SRD5A1: variants seen among roughly 807,000 people sequenced by gnomAD.
SRD5A1 encodes steroid 5 alpha-reductase 1, also known as 3-oxo-5-alpha-steroid 4-dehydrogenase 1.
SRD5A1 carries 22 observed loss-of-function variants against 28.2 expected under a neutral mutation model. That is an observed-to-expected ratio of 0.78 (90% CI 0.56 to 1.12). SRD5A1 has a LOEUF of 1.12. Ranked by LOEUF, SRD5A1 falls within the 50% of genes most tolerant of loss-of-function variation. The probability of loss-of-function intolerance (pLI) is 0.00; values close to 1 mark genes in which losing one functional copy is unlikely to be tolerated. For missense variants in SRD5A1, 300 were observed against 346.7 expected, an observed-to-expected ratio of 0.87 and a Z score of 1.07; for synonymous variants, 151 against 135.0, an observed-to-expected ratio of 1.12 and a Z score of -0.82.
intron 1 of SRD5A1, among the ~76,000 whole-genome samples, chr5:6,646,526 T>A (rs1169932006): frequency 6.6e-6 from 1 of 152,222 alleles, no homozygotes; most frequent in Non-Finnish European, 1.5e-5. Context: ...TCCAGGAATT[T>A]ATTTATTTAT....
rs1354146023 is a variant in SRD5A1 at position 6,673,744 on chromosome 5, T to C, written c.*5476T>C. On this transcript the variant is annotated 3_prime_UTR_variant, in exon 5 of 5. Coordinates refer to ENST00000274192, the MANE Select transcript of SRD5A1 (RefSeq NM_001047.4). ...TCCAATTCTATTTCTATGAGGAAAATCTATTCATACAATAGAATACTAGTG... is the reference window on the plus strand; with the variant it reads ...TCCAATTCTATTTCTATGAGGAAAACCTATTCATACAATAGAATACTAGTG... 2 of 152,154 alleles carry C rather than the reference T, an allele frequency of 1.3e-5. No individual in the cohort carries two copies. The highest frequency in any genetic ancestry group is 3.8e-4 in the East Asian group (2 of 5,206). 9.4% of individuals were successfully genotyped at this position (152,154 alleles called of 1,614,324 possible). A position where few individuals can be genotyped will look rare whatever the true frequency, so the allele number is the denominator to read the frequency against.
intron 1 of SRD5A1, among the ~76,000 whole-genome samples, chr5:6,638,322 G>C: frequency 6.6e-6 from 1 of 152,242 alleles, no homozygotes; most frequent in East Asian, 1.9e-4. Context: ...TTAAAAAGAA[G>C]TCATAGCGTT....
Position 6,633,664 on chromosome 5 carries a change from C to G in SRD5A1, c.88C>G (p.Arg30Gly), listed in dbSNP as rs1738058723. ...QCAVGCAVFA[R>G]NRQTNSVYGR... is the part of the protein sequence containing the mutation. ...CGCCGTGGGCTGCGCGGTCTTCGCG[C>G]GCAATCGTCAGACGAACTCAGTGTA... Residue 30 changes from arginine (R) to glycine (G), a missense_variant, in exon 1 of 5, where the codon CGC becomes GGC. Coordinates refer to ENST00000274192, the MANE Select transcript of SRD5A1 (RefSeq NM_001047.4). 3.8e-6 allele frequency: 6 copies of G among 1,579,088 alleles called. No individual in the cohort carries two copies. The highest frequency in any genetic ancestry group is 1.3e-5 in the African/African-American group (1 of 74,334).
intron 1 of SRD5A1, among the ~76,000 whole-genome samples, chr5:6,650,034 A>T (rs1046549890): frequency 6.6e-6 from 1 of 152,102 alleles, no homozygotes; most frequent in Non-Finnish European, 1.5e-5. Flanking sequence ...GATTTATTTC[A>T]TTGGTAACAG....
intron 4 of SRD5A1, among the ~76,000 whole-genome samples, chr5:6,666,560 G>T (rs1739186513): frequency 6.6e-6 from 1 of 152,174 alleles, no homozygotes; most frequent in Admixed American, 6.5e-5. Context: ...TTCTAGGTCA[G>T]AAACAGTCAA....
chr5:6,641,384 G>T lies in SRD5A1; in HGVS notation c.293+7515G>T, dbSNP rs192061315. On this transcript the variant is annotated intron_variant, in intron 1 of 4. Coordinates refer to ENST00000274192, the MANE Select transcript of SRD5A1 (RefSeq NM_001047.4). ...AAACTGAGTAAAGCTAAAGGGAATGGCCCGCAAGAAGAAAAGCCTTCCAGG... is the reference window on the plus strand; with the variant it reads ...AAACTGAGTAAAGCTAAAGGGAATGTCCCGCAAGAAGAAAAGCCTTCCAGG... Among the ~76,000 whole-genome samples, 4 of 152,316 alleles carry T rather than the reference G, an allele frequency of 2.6e-5. No individual in the cohort carries two copies. In the East Asian group the frequency reaches 7.7e-4, roughly 29 times the overall value.
rs148764126 is a variant in SRD5A1, at chr5:6,648,720, C to T, written c.294-3122C>T. ...ATTGGGTTAGAACATGCTCCTTTGG[C>T]TCAGAGGAGTTTGTTATTACCCGCC... On this transcript the variant is annotated intron_variant, in intron 1 of 4. Coordinates refer to ENST00000274192, the MANE Select transcript of SRD5A1 (RefSeq NM_001047.4). 4.7e-3 allele frequency among the ~76,000 whole-genome samples: 722 copies of T among 152,280 alleles called. 7 individuals carry two copies. The highest frequency in any genetic ancestry group is 0.017 in the African/African-American group (697 of 41,556).
chr5:6,634,383 A>G (rs1399139291), intron 1 of SRD5A1, among the ~76,000 whole-genome samples: 1 of 131,592 alleles, frequency 7.6e-6, no homozygotes, highest in Non-Finnish European at 1.6e-5. Context: ...ATAAAAATGA[A>G]GACTAGATTT....
intron 1 of SRD5A1, among the ~76,000 whole-genome samples, chr5:6,646,366 G>C (rs904050074): frequency 1.3e-5 from 2 of 152,088 alleles, no homozygotes; most frequent in African/African-American, 4.8e-5. Flanking sequence ...ACCCAGTAAC[G>C]GGATTGCTGG....
At chr5:6,649,862 C>G (rs1302145927) in intron 1 of SRD5A1, among the ~76,000 whole-genome samples, 1 of 138,340 alleles carries the variant, frequency 7.2e-6, no homozygotes, top group Non-Finnish European at 1.6e-5. Context: ...AGCTGCAAGA[C>G]CGGAGCTGTT....
rs1384891071 is a variant in SRD5A1, at chr5:6,651,849, AT to A, written c.304del (p.Tyr102ThrfsTer4). On this transcript the variant is annotated frameshift_variant, in exon 2 of 5. Transcript: ENST00000274192. LOFTEE classifies it high-confidence loss of function. ...FLVHYGHRCL[I>X]YPFLMRGGKP... ...TGTTTCTTGTTTCCTAAGGTGCTTA[AT>A]TTACCCATTTCTGATGCGAGGAGGA... The A allele has an allele frequency of 6.2e-7, 1 of 1,608,290 alleles. No homozygotes were observed. Among genetic ancestry groups the A allele is most frequent in the Admixed American group, 1.7e-5 (1 of 59,764 alleles).
chr5:6,656,629 A>C (rs1392647767), intron 3 of SRD5A1, among the ~76,000 whole-genome samples: 2 of 152,218 alleles, frequency 1.3e-5, no homozygotes, highest in Admixed American at 1.3e-4. Context: ...TGGAATCTGG[A>C]GCGTGTCTTT....
chr5:6,640,293 A>G (rs190722410), intron 1 of SRD5A1, among the ~76,000 whole-genome samples: 112 of 152,312 alleles, frequency 7.4e-4, no homozygotes, highest in African/African-American at 2.5e-3. Flanking sequence ...ATTATTAGAA[A>G]CACTTTGATA....
At chr5:6,668,150 G>T in intron 4 of SRD5A1, 52 bp from the exon 5 acceptor site, 1 of 1,175,922 alleles carries the variant, frequency 8.5e-7, no homozygotes. Context: ...GTTAGCATTG[G>T]TTAAATGTCT....
At chr5:6,665,459 C>A (rs1427309602) in intron 4 of SRD5A1, among the ~76,000 whole-genome samples, 1 of 152,228 alleles carries the variant, frequency 6.6e-6, no homozygotes, top group Non-Finnish European at 1.5e-5. Flanking sequence ...GTTTTCTCCT[C>A]CGCCAGATGA....
At chr5:6,668,084 G>A in intron 4 of SRD5A1, 118 bp from the exon 5 acceptor site, 3 of 588,262 alleles carry the variant, frequency 5.1e-6, no homozygotes, top group South Asian at 3.1e-5. Context: ...CAAAGTTTTT[G>A]TTACTACATT....
intron 1 of SRD5A1, among the ~76,000 whole-genome samples, chr5:6,645,948 A>G (rs936914807): frequency 6.6e-6 from 1 of 151,944 alleles, no homozygotes; most frequent in African/African-American, 2.4e-5. Flanking sequence ...GCACCCATTA[A>G]CCCGTGATCT....
chr5:6,637,510 T>A lies in SRD5A1; in HGVS notation c.293+3641T>A, dbSNP rs185285871. On this transcript the variant is annotated intron_variant, in intron 1 of 4. Transcript: ENST00000274192. ...GGAGTCGCTGGGGGGCTTTGCAGAC[T>A]GTGCCTGACCTCATGCTCTTTCTCT... Among the ~76,000 whole-genome samples the A allele has an allele frequency of 1.4e-3, 207 of 152,280 alleles. 1 individual carries two copies. The highest frequency in any genetic ancestry group is 4.8e-3 in the African/African-American group (198 of 41,562).
intron 1 of SRD5A1, among the ~76,000 whole-genome samples, chr5:6,648,583 G>A (rs1017630746): frequency 7.9e-5 from 12 of 152,194 alleles, no homozygotes; most frequent in African/African-American, 2.9e-4. Context: ...GCTTCACGAA[G>A]TTCTTGTGCT....
Sources: allele counts gnomAD v4.1 joint callset (sites outside exome capture counted in the v4.1 genomes callset), GRCh38; gene constraint gnomAD v4.1.1; transcripts MANE v1.5; gene names NCBI Gene and HGNC (gene_info 2026-07-23, HGNC 2026-07-21).